The following NDST3 variants were observed in gnomAD, a reference collection of about 807,000 sequenced individuals.
The protein encoded by NDST3 is bifunctional heparan sulfate N-deacetylase/N-sulfotransferase 3.
In NDST3, 58 loss-of-function variants were observed where a neutral mutation model predicts 96.1. The observed-to-expected ratio is 0.60, with a 90% CI of 0.49 to 0.75. The LOEUF is 0.75. NDST3 is among the 30% of genes least tolerant of loss of function. The pLI is 0.00. For missense variants in NDST3, 788 were observed against 1,034.2 expected (o/e 0.76, Z 3.27); for synonymous variants, 333 against 359.7 (o/e 0.93, Z 0.84).
intron 6 of NDST3, among the ~76,000 whole-genome samples, chr4:118,217,177 A>G (rs1331142095): frequency 2.0e-5 from 3 of 152,118 alleles, no homozygotes; most frequent in Non-Finnish European, 4.4e-5. Flanking sequence ...TTACAGAGAG[A>G]AGAAACCGTA....
chr4:118,213,178 C>T (rs1738920061), intron 6 of NDST3, among the ~76,000 whole-genome samples: 1 of 152,152 alleles, frequency 6.6e-6, no homozygotes, highest in African/African-American at 2.4e-5. Context: ...AGTGATTTGA[C>T]ATGAAGAGGA....
intron 6 of NDST3, among the ~76,000 whole-genome samples, chr4:118,210,833 T>C (rs1738743399): frequency 2.0e-5 from 3 of 149,218 alleles, no homozygotes; most frequent in Admixed American, 2.0e-4. Context: ...GATAAAAGAC[T>C]AGGGGAGTCA....
intron 2 of NDST3, 147 bp from the exon 3 acceptor site, chr4:118,104,871 A>C: frequency 5.1e-6 from 3 of 582,978 alleles, no homozygotes; most frequent in Non-Finnish European, 9.0e-6. Flanking sequence ...CTCTAGTTTT[A>C]AAGTGATAAA....
At chr4:118,093,852 C>T (rs1028666308) in intron 2 of NDST3, among the ~76,000 whole-genome samples, 1 of 151,784 alleles carries the variant, frequency 6.6e-6, no homozygotes, top group Non-Finnish European at 1.5e-5. Context: ...GTTCTGGGAG[C>T]TGGAAATTCC....
intron 12 of NDST3, among the ~76,000 whole-genome samples, chr4:118,244,493 T>G (rs1741190512): frequency 6.6e-6 from 1 of 151,774 alleles, no homozygotes; most frequent in African/African-American, 2.4e-5. Context: ...TGCTTAAAAT[T>G]TTTTTTTTCT....
chr4:118,160,649 C>T (rs1408892895), intron 6 of NDST3, among the ~76,000 whole-genome samples: 1 of 152,122 alleles, frequency 6.6e-6, no homozygotes, highest in African/African-American at 2.4e-5. Flanking sequence ...TCCTTTCCTC[C>T]AGTTGATCGC....
chr4:118,099,409 C>A (rs1050536641), intron 2 of NDST3, among the ~76,000 whole-genome samples: 1 of 152,126 alleles, frequency 6.6e-6, no homozygotes, highest in Non-Finnish European at 1.5e-5. Context: ...ATAGAAAACA[C>A]AGTCCAGCCT....
At position 118,072,632 on chromosome 4, in the gene NDST3, A is replaced by T. The variant is rs1289559991; in HGVS notation, c.981+17741A>T. ...ATTAGATCTAGGAGTTTTTAGGCAG[A>T]TACTGGGTTTTTCTGTATATAAAAT... On this transcript the variant is annotated intron_variant, in intron 2 of 13. Coordinates refer to ENST00000296499, the MANE Select transcript of NDST3 (RefSeq NM_004784.3). Among the ~76,000 whole-genome samples, 8 of 152,088 alleles carry T rather than the reference A, an allele frequency of 5.3e-5. No homozygotes were observed. In the East Asian group the frequency reaches 1.5e-3, roughly 29 times the overall value.
rs1016598926 is a variant in NDST3, at chr4:118,256,723, A to G, written c.*1011A>G. 1 of 152,192 alleles carries G rather than the reference A, an allele frequency of 6.6e-6. No individual in the cohort carries two copies. Among genetic ancestry groups the G allele is most frequent in the Non-Finnish European group, 1.5e-5 (1 of 68,034 alleles). 9.4% of individuals were successfully genotyped at this position (152,192 alleles called of 1,614,324 possible). On this transcript the variant is annotated 3_prime_UTR_variant, in exon 14 of 14. Coordinates refer to ENST00000296499, the MANE Select transcript of NDST3 (RefSeq NM_004784.3). ...AAAACCTATTAAACTAAAACTAAAA[A>G]CAGTTTCCCTAGATGATGTGGTTAG...
At chr4:118,098,755 T>C (rs1729543315) in intron 2 of NDST3, among the ~76,000 whole-genome samples, 1 of 152,066 alleles carries the variant, frequency 6.6e-6, no homozygotes. Flanking sequence ...AATTCACTAA[T>C]GTCATTTAGA....
chr4:118,193,695 G>A lies in NDST3; in HGVS notation c.1540-30796G>A, dbSNP rs1737469431. On this transcript the variant is annotated intron_variant, in intron 6 of 13. Coordinates refer to ENST00000296499, the MANE Select transcript of NDST3 (RefSeq NM_004784.3). ...AGTTCAAAGTCATTCACAGCCAGGT[G>A]GGCCTCTCCCCAATGGAAGAGGCCC... The A allele has an allele frequency of 9.2e-6, 12 of 1,308,126 alleles. No individual in the cohort carries two copies. In the South Asian group the frequency reaches 1.3e-4, roughly 14 times the overall value. 81.0% of individuals were successfully genotyped at this position (1,308,126 alleles called of 1,614,324 possible).
upstream of NDST3, chr4:118,034,378 C>T (rs1280565099): frequency 6.6e-6 from 1 of 152,168 alleles, no homozygotes; most frequent in Non-Finnish European, 1.5e-5. Flanking sequence ...GCATGTGACA[C>T]TCTTGCCCTC....
chr4:118,062,070 G>A (rs972179128), intron 2 of NDST3, among the ~76,000 whole-genome samples: 33 of 152,204 alleles, frequency 2.2e-4, no homozygotes, highest in African/African-American at 6.7e-4. Context: ...TGTAGACTAC[G>A]GTCTGTTTAC....
At chr4:118,146,707 C>T (rs1362726595) in intron 6 of NDST3, among the ~76,000 whole-genome samples, 1 of 152,190 alleles carries the variant, frequency 6.6e-6, no homozygotes, top group Non-Finnish European at 1.5e-5. Context: ...GAAGAGAAAA[C>T]TTTGGTCATC....
In NDST3 at chr4:118,152,776, A is replaced by G. The variant is rs1041871003; in HGVS notation, c.1539+9092A>G. ...TTGTTTACGGTTTCTGCAGTAGTTA[A>G]TTAATCTTACAAATGGCCCAATATG... On this transcript the variant is annotated intron_variant, in intron 6 of 13. Transcript: ENST00000296499. Among the ~76,000 whole-genome samples the G allele has an allele frequency of 6.6e-5, 10 of 152,328 alleles. 1 individual carries two copies. The South Asian group carries it at 1.4e-3, about 22-fold the overall frequency.
chr4:118,043,810 G>A (rs2110429794), intron 1 of NDST3, among the ~76,000 whole-genome samples: 1 of 152,294 alleles, frequency 6.6e-6, no homozygotes, highest in Middle Eastern at 3.4e-3. Flanking sequence ...GACTGAAGTT[G>A]GCATGGCAAA....
chr4:118,057,246 T>C, intron 2 of NDST3, among the ~76,000 whole-genome samples: 1 of 152,030 alleles, frequency 6.6e-6, no homozygotes, highest in East Asian at 1.9e-4. Context: ...TGATAATTGT[T>C]GATGATGTGA....
intron 2 of NDST3, among the ~76,000 whole-genome samples, chr4:118,065,459 T>C (rs1726234082): frequency 6.6e-6 from 1 of 152,046 alleles, no homozygotes; most frequent in Admixed American, 6.6e-5. Flanking sequence ...GAAATGTACC[T>C]CACCAAAGAT....
chr4:118,054,775 A>G lies in NDST3; in HGVS notation c.865A>G (p.Ile289Val). 1.2e-6 allele frequency: 2 copies of G among 1,613,338 alleles called. No homozygotes were observed. Among genetic ancestry groups the G allele is most frequent in the Non-Finnish European group, 1.7e-6 (2 of 1,179,448 alleles). The change falls in exon 2 of 14, where the codon ATC (isoleucine) becomes GTC (valine). Residue 289 changes from isoleucine to valine, a missense_variant. Transcript: ENST00000296499. ...WLHKLIFIDA[I>V]SFLSGKRLTL... The stretch of plus-strand genomic sequence containing the variant: ...GCACAAGCTCATCTTCATAGATGCC[A>G]TCTCCTTCTTATCAGGGAAGAGGCT...
Sources: gnomAD v4.1 joint callset for allele counts (sites outside exome capture counted in the v4.1 genomes callset) on GRCh38, gnomAD v4.1.1 for gene constraint, MANE v1.5 for transcripts, NCBI Gene and HGNC (gene_info 2026-07-23, HGNC 2026-07-21) for gene names.